RASSF8: variants seen among roughly 807,000 people sequenced by gnomAD.
RASSF8 encodes Ras association domain family member 8.
A neutral mutation model predicts 48.5 loss-of-function variants in RASSF8; 22 were observed. That is an observed-to-expected ratio of 0.45 (90% CI 0.32 to 0.65). The LOEUF is 0.65. Ranked by LOEUF, RASSF8 falls within the 30% of genes least tolerant of loss-of-function variation. RASSF8 has a pLI of 0.03. For synonymous variants in RASSF8, 127 were observed against 171.5 expected (o/e 0.74, Z 2.03); for missense variants, 418 against 489.2 (o/e 0.85, Z 1.37).
In RASSF8 at chr12:26,046,022, G is replaced by A. The variant is rs116801217; in HGVS notation, c.-108-9214G>A. 4.2e-3 allele frequency among the ~76,000 whole-genome samples: 635 copies of A among 152,230 alleles called. 4 individuals carry two copies. Among genetic ancestry groups the A allele is most frequent in the African/African-American group, 0.014 (578 of 41,558 alleles). On this transcript the variant is annotated intron_variant, in intron 2 of 5. Transcript: ENST00000689635. ...TAATGGAAAGGACATAGATTTGGGC[G>A]ATCAGATAACATCTGGATTCAGACT...
chr12:25,971,871 T>C (rs1310825563), intron 1 of RASSF8, among the ~76,000 whole-genome samples: 1 of 152,246 alleles, frequency 6.6e-6, no homozygotes, highest in African/African-American at 2.4e-5. Context: ...TGAGCACTTG[T>C]GATTTCAATC....
At chr12:25,962,054 GAA>G (rs35442873) in intron 1 of RASSF8, among the ~76,000 whole-genome samples, 1 of 150,812 alleles carries the variant, frequency 6.6e-6, no homozygotes, top group Non-Finnish European at 1.5e-5. Flanking sequence ...CCAGCAGCCT[GAA>G]AAAAAAAAGA....
At chr12:25,962,154 C>G (rs1056288858) in intron 1 of RASSF8, among the ~76,000 whole-genome samples, 1 of 152,176 alleles carries the variant, frequency 6.6e-6, no homozygotes, top group African/African-American at 2.4e-5. Context: ...CTTGACATTA[C>G]TTCAGGATCC....
At chr12:26,028,786 G>C (rs1234457397) in intron 2 of RASSF8, among the ~76,000 whole-genome samples, 1 of 152,130 alleles carries the variant, frequency 6.6e-6, no homozygotes, top group Admixed American at 6.5e-5. Flanking sequence ...ATGTAAGGAG[G>C]GATGAATGAG....
chr12:25,990,197 T>A (rs12227480), intron 1 of RASSF8, among the ~76,000 whole-genome samples: 2 of 151,956 alleles, frequency 1.3e-5, no homozygotes, highest in Non-Finnish European at 2.9e-5. Context: ...GTAAAAAAAA[T>A]TACAGCCATA....
intron 2 of RASSF8, among the ~76,000 whole-genome samples, chr12:26,050,024 C>T (rs1165564066): frequency 6.6e-6 from 1 of 152,210 alleles, no homozygotes; most frequent in Admixed American, 6.5e-5. Flanking sequence ...ACCTCGTGAT[C>T]TGCCCGCCTC....
chr12:26,018,851 G>T (rs1942717742), intron 2 of RASSF8, among the ~76,000 whole-genome samples: 1 of 152,230 alleles, frequency 6.6e-6, no homozygotes, highest in Non-Finnish European at 1.5e-5. Context: ...AGTTGCTTGA[G>T]TTGATGCATC....
In RASSF8 at chr12:26,009,802, G is replaced by C. The variant is rs1211986602; in HGVS notation, c.-109+14672G>C. 3.3e-5 allele frequency among the ~76,000 whole-genome samples: 5 copies of C among 152,296 alleles called. No homozygotes were observed. In the East Asian group the frequency reaches 9.7e-4, roughly 29 times the overall value. ...TCGATAAGAGTAGTTTGGTTAGATG[G>C]TAGGGGCAAAAGCATGGCAGGAATG... On this transcript the variant is annotated intron_variant, in intron 2 of 5. Transcript: ENST00000689635.
intron 2 of RASSF8, among the ~76,000 whole-genome samples, chr12:26,045,727 A>G (rs1042606400): frequency 1.3e-5 from 2 of 152,232 alleles, no homozygotes; most frequent in Non-Finnish European, 2.9e-5. Flanking sequence ...TCTTGGTTTC[A>G]TGGATAAAAA....
At position 26,072,741 on chromosome 12, in the gene RASSF8, T is replaced by A. The variant is rs1944025017; in HGVS notation, c.*3923T>A. 1.1e-6 allele frequency: 1 copy of A among 948,424 alleles called. No homozygotes were observed. The highest frequency in any genetic ancestry group is 1.3e-6 in the Non-Finnish European group (1 of 796,280). The allele number at this position is 948,424 out of a possible 1,614,324, so 58.8% of individuals were successfully genotyped here. A position where few individuals can be genotyped will look rare whatever the true frequency, so the allele number is the denominator to read the frequency against. ...TGTACAAATAAATCTGTAATATGTA[T>A]TATATGTAATTATCCTTTTCTTTGA... On this transcript the variant is annotated 3_prime_UTR_variant, in exon 6 of 6. Transcript: ENST00000689635.
downstream of RASSF8, among the ~76,000 whole-genome samples, chr12:26,076,954 A>G (rs1336069679): frequency 6.6e-6 from 1 of 152,174 alleles, no homozygotes; most frequent in Admixed American, 6.5e-5. Context: ...AATGATTGCC[A>G]TTCTAACTGG....
intron 5 of RASSF8, among the ~76,000 whole-genome samples, chr12:26,078,710 T>A (rs1944091426): frequency 6.6e-6 from 1 of 152,246 alleles, no homozygotes; most frequent in Non-Finnish European, 1.5e-5. Flanking sequence ...TTTAGTCTAT[T>A]TCCCAAAATA....
At chr12:25,964,354 TCC>T (rs1480070616) in intron 1 of RASSF8, among the ~76,000 whole-genome samples, 1 of 152,150 alleles carries the variant, frequency 6.6e-6, no homozygotes, top group East Asian at 1.9e-4. Flanking sequence ...TGTAGGGCTG[TCC>T]AAATTTTATG....
At chr12:25,986,465 G>A (rs1296680925) in intron 1 of RASSF8, among the ~76,000 whole-genome samples, 1 of 152,200 alleles carries the variant, frequency 6.6e-6, no homozygotes, top group Non-Finnish European at 1.5e-5. Context: ...TCTCTTTGAA[G>A]CCTTAATTTC....
intron 2 of RASSF8, among the ~76,000 whole-genome samples, chr12:26,035,277 C>T (rs1261860139): frequency 6.6e-6 from 1 of 151,232 alleles, no homozygotes. Flanking sequence ...AACAGAAGAA[C>T]TTCTTCACAC....
At chr12:26,067,757 T>A (rs1943911074) in intron 5 of RASSF8, 44 bp downstream of exon 5, 6 of 1,607,086 alleles carry the variant, frequency 3.7e-6, no homozygotes, top group Non-Finnish European at 5.1e-6. Context: ...TTATTCTCAC[T>A]GCTTAACTTT....
At chr12:26,057,229 C>G (rs188482068) in intron 3 of RASSF8, among the ~76,000 whole-genome samples, 40 of 151,904 alleles carry the variant, frequency 2.6e-4, no homozygotes, top group Non-Finnish European at 5.0e-4. Flanking sequence ...TGTGCTGCAC[C>G]CATTAAGTCA....
At chr12:26,047,040 G>A (rs552590392) in intron 2 of RASSF8, among the ~76,000 whole-genome samples, 1 of 152,320 alleles carries the variant, frequency 6.6e-6, no homozygotes, top group East Asian at 1.9e-4. Context: ...TCTAATCCCA[G>A]TTCTGAGAGC....
chr12:26,020,603 G>GAA (rs1156333208), intron 2 of RASSF8: 1 of 151,990 alleles, frequency 6.6e-6, no homozygotes, highest in Non-Finnish European at 1.5e-5. Context: ...CTGTGAAAGT[G>GAA]AAAACTAAAT....
Sources: gnomAD v4.1 joint callset for allele counts (sites outside exome capture counted in the v4.1 genomes callset) on GRCh38, gnomAD v4.1.1 for gene constraint, MANE v1.5 for transcripts, NCBI Gene and HGNC (gene_info 2026-07-23, HGNC 2026-07-21) for gene names.